Variants in CSMD1 observed in about 807,000 individuals in gnomAD.
The protein encoded by CSMD1 is CUB and sushi domain-containing protein 1.
CSMD1 carries 213 observed loss-of-function variants against 417.5 expected under a neutral mutation model. The ratio of observed to expected loss-of-function variants is 0.51; its 90% CI spans 0.46 to 0.57. The LOEUF (loss-of-function observed/expected upper bound fraction) is 0.57. Ranked by LOEUF, CSMD1 falls within the 20% of genes least tolerant of loss-of-function variation. The pLI is 0.00. For synonymous variants in CSMD1, 2,862 were observed against 1,736.8 expected (o/e 1.65, Z -16.11); for missense variants, 6,923 against 4,529.7 (o/e 1.53, Z -15.17).
intron 3 of CSMD1, among the ~76,000 whole-genome samples, chr8:4,140,612 G>C (rs1585403607): frequency 6.6e-6 from 1 of 150,974 alleles, no homozygotes; most frequent in African/African-American, 2.5e-5. Flanking sequence ...AGGCTGCAGT[G>C]AGCCATGATT....
rs1430282702 is a variant in CSMD1, at chr8:3,515,812, A to C, written c.1345-22086T>G. On this transcript the variant is annotated intron_variant, in intron 10 of 69. Coordinates refer to ENST00000635120, the MANE Select transcript of CSMD1 (RefSeq NM_033225.6). ...GGAAGTGTCAGTCATGACACTGGGC[A>C]ATGGAATTGCCTATTATACATACGG... Among the ~76,000 whole-genome samples the C allele has an allele frequency of 2.0e-5, 3 of 152,354 alleles. No homozygotes were observed. In the Middle Eastern group the frequency reaches 0.01, roughly 518 times the overall value.
At chr8:3,704,393 G>A (rs1023565646) in intron 7 of CSMD1, among the ~76,000 whole-genome samples, 5 of 152,142 alleles carry the variant, frequency 3.3e-5, no homozygotes, top group Non-Finnish European at 7.3e-5. Flanking sequence ...GGAGGAGGGG[G>A]CCTTCCTAAA....
At position 4,389,089 on chromosome 8, in the gene CSMD1, A is replaced by C. The variant is rs970145084; in HGVS notation, c.415+30864T>G. ...TTTTCTCTTACTCTACATTATAGGA[A>C]TGTTTCCAGTGAAAGTCTGTACAGA... On this transcript the variant is annotated intron_variant, in intron 3 of 69. Transcript: ENST00000635120. 2.6e-5 allele frequency among the ~76,000 whole-genome samples: 4 copies of C among 152,318 alleles called. No individual in the cohort carries two copies. The East Asian group carries it at 7.7e-4, about 29-fold the overall frequency.
intron 37 of CSMD1, among the ~76,000 whole-genome samples, chr8:3,173,025 C>T (rs746596261): frequency 2.0e-4 from 30 of 152,252 alleles, no homozygotes; most frequent in Non-Finnish European, 3.2e-4. Context: ...CACCCCTACC[C>T]CTGCCTTGTC....
At chr8:4,467,877 G>C (rs1343090697) in intron 2 of CSMD1, among the ~76,000 whole-genome samples, 1 of 152,152 alleles carries the variant, frequency 6.6e-6, no homozygotes, top group Non-Finnish European at 1.5e-5. Context: ...CAAAAAAACA[G>C]AATCATCTAG....
intron 5 of CSMD1, among the ~76,000 whole-genome samples, chr8:3,777,632 C>G (rs1385113934): frequency 6.6e-6 from 1 of 152,234 alleles, no homozygotes; most frequent in Non-Finnish European, 1.5e-5. Flanking sequence ...GCATCCCAAC[C>G]AGCAACAAGA....
intron 3 of CSMD1, among the ~76,000 whole-genome samples, chr8:4,200,045 T>C (rs1368910599): frequency 2.0e-5 from 3 of 152,222 alleles, no homozygotes; most frequent in East Asian, 1.9e-4. Context: ...CATAAAATCC[T>C]GAATGATTAG....
intron 2 of CSMD1, among the ~76,000 whole-genome samples, chr8:4,425,787 G>C (rs770672085): frequency 5.9e-5 from 9 of 152,132 alleles, no homozygotes; most frequent in Admixed American, 1.3e-4. Flanking sequence ...GCAGTAGCAA[G>C]TCTTCCTTCT....
intron 2 of CSMD1, among the ~76,000 whole-genome samples, chr8:4,469,390 T>C (rs536790388): frequency 6.6e-6 from 1 of 152,350 alleles, no homozygotes; most frequent in Non-Finnish European, 1.5e-5. Flanking sequence ...AAACGGCTGG[T>C]GTCAGCATTC....
At chr8:3,909,799 C>G (rs995069631) in intron 5 of CSMD1, among the ~76,000 whole-genome samples, 16 of 152,104 alleles carry the variant, frequency 1.1e-4, no homozygotes, top group Admixed American at 4.6e-4. Flanking sequence ...TTTAATAATT[C>G]TCATCACAAT....
intron 1 of CSMD1, among the ~76,000 whole-genome samples, chr8:4,811,123 T>C (rs1798875613): frequency 6.6e-6 from 1 of 152,178 alleles, no homozygotes; most frequent in Admixed American, 6.5e-5. Context: ...TGGCAACACA[T>C]AAATGATCAA....
At chr8:3,142,341 T>C (rs1818554461) in intron 41 of CSMD1, 124 bp downstream of exon 41, 1 of 869,068 alleles carries the variant, frequency 1.2e-6, no homozygotes, top group Non-Finnish European at 1.8e-6. Flanking sequence ...AAACCAACAT[T>C]CCACCAAAAA....
intron 5 of CSMD1, among the ~76,000 whole-genome samples, chr8:3,966,910 G>C (rs145649134): frequency 6.6e-6 from 1 of 152,172 alleles, no homozygotes; most frequent in Non-Finnish European, 1.5e-5. Context: ...CTTGAATGCC[G>C]ATGAATTAAA....
intron 5 of CSMD1, among the ~76,000 whole-genome samples, chr8:3,864,284 G>C (rs1043962911): frequency 2.6e-5 from 4 of 152,070 alleles, no homozygotes; most frequent in African/African-American, 9.7e-5. Flanking sequence ...TCAATAATTT[G>C]GCCAATATTT....
intron 2 of CSMD1, among the ~76,000 whole-genome samples, chr8:4,598,448 C>G (rs371265074): frequency 1.3e-5 from 2 of 152,182 alleles, no homozygotes; most frequent in Admixed American, 6.5e-5. Flanking sequence ...GGCATGAAAT[C>G]TGAGTTATTT....
intron 10 of CSMD1, among the ~76,000 whole-genome samples, chr8:3,513,998 T>A (rs1260071299): frequency 6.6e-6 from 1 of 152,212 alleles, no homozygotes; most frequent in Non-Finnish European, 1.5e-5. Context: ...AATCCAGGCC[T>A]TCTTTTTATC....
Position 3,297,435 on chromosome 8 carries a change from T to C in CSMD1, c.3950+10260A>G, listed in dbSNP as rs530006859. Among the ~76,000 whole-genome samples the C allele has an allele frequency of 1.6e-4, 25 of 152,156 alleles. No homozygotes were observed. In the East Asian group the frequency reaches 4.4e-3, roughly 27 times the overall value. On this transcript the variant is annotated intron_variant, in intron 25 of 69. Coordinates refer to ENST00000635120, the MANE Select transcript of CSMD1 (RefSeq NM_033225.6). Reference sequence around the variant, plus strand: ...GTATCAAGATGTATTATAAAGTAAATCAGGAATTAAGTTAGGTTTTGTACT... The same window carrying C: ...GTATCAAGATGTATTATAAAGTAAACCAGGAATTAAGTTAGGTTTTGTACT...
intron 2 of CSMD1, among the ~76,000 whole-genome samples, chr8:4,429,935 G>C (rs1487131724): frequency 6.6e-6 from 1 of 152,068 alleles, no homozygotes; most frequent in Non-Finnish European, 1.5e-5. Flanking sequence ...CACCCATCAG[G>C]GAATGAAAAA....
rs145425238 is a variant in CSMD1, at chr8:3,667,931, G to A, written c.1009+40483C>T. On this transcript the variant is annotated intron_variant, in intron 7 of 69. Transcript: ENST00000635120. ...TGTATGTTGCGGAGACACCACTGGTGCCAATTCACCCACCCATTTCCTCCC... is the reference window on the plus strand; with the variant it reads ...TGTATGTTGCGGAGACACCACTGGTACCAATTCACCCACCCATTTCCTCCC... Among the ~76,000 whole-genome samples, 338 of 152,226 alleles carry A rather than the reference G, an allele frequency of 2.2e-3. 1 individual carries two copies. Among genetic ancestry groups the A allele is most frequent in the African/African-American group, 7.9e-3 (329 of 41,542 alleles).
Sources: gnomAD v4.1 joint callset for allele counts (sites outside exome capture counted in the v4.1 genomes callset) on GRCh38, gnomAD v4.1.1 for gene constraint, MANE v1.5 for transcripts, NCBI Gene and HGNC (gene_info 2026-07-23, HGNC 2026-07-21) for gene names.